The following CACNG2 variants were observed in gnomAD, a reference collection of about 807,000 sequenced individuals.
The protein encoded by CACNG2 is calcium voltage-gated channel auxiliary subunit gamma 2.
Under a neutral mutation model 25.9 loss-of-function variants are expected in CACNG2, and 3 were observed. The observed-to-expected ratio is 0.12, with a 90% CI of 0.05 to 0.30. CACNG2 has a LOEUF of 0.30. Among genes scored for constraint, CACNG2 ranks in the 10% least tolerant of loss-of-function variants. The pLI is 1.00. For missense variants in CACNG2, 341 were observed against 432.5 expected (o/e 0.79, Z 1.88); for synonymous variants, 167 against 173.3 (o/e 0.96, Z 0.29).
intron 2 of CACNG2, among the ~76,000 whole-genome samples, chr22:36,570,833 T>C (rs969933624): frequency 2.6e-5 from 4 of 151,128 alleles, no homozygotes; most frequent in Non-Finnish European, 5.9e-5. Context: ...CCACTAGACT[T>C]GGCAGGGCCC....
intron 1 of CACNG2, among the ~76,000 whole-genome samples, chr22:36,686,757 G>A (rs1439854744): frequency 6.6e-6 from 1 of 152,300 alleles, no homozygotes; most frequent in Admixed American, 6.5e-5. Context: ...TGCTGACTCC[G>A]TGGCATGACC....
chr22:36,610,269 T>TCAGAGCG (rs1935918400), intron 1 of CACNG2, among the ~76,000 whole-genome samples: 1 of 124,310 alleles, frequency 8.0e-6, no homozygotes, highest in Admixed American at 7.9e-5. Context: ...AATCAGCCCC[T>TCAGAGCG]TAGAGCGTGA....
chr22:36,683,307 CT>C (rs1358292300), intron 1 of CACNG2, among the ~76,000 whole-genome samples: 2 of 152,180 alleles, frequency 1.3e-5, no homozygotes, highest in Non-Finnish European at 2.9e-5. Flanking sequence ...AATAAACACC[CT>C]CGGGTCAAAG....
chr22:36,686,621 G>A (rs1199878712), intron 1 of CACNG2, among the ~76,000 whole-genome samples: 1 of 152,176 alleles, frequency 6.6e-6, no homozygotes, highest in Non-Finnish European at 1.5e-5. Flanking sequence ...ATGGCACAGT[G>A]CCTTCCGTCC....
intron 1 of CACNG2, among the ~76,000 whole-genome samples, chr22:36,647,596 C>CAAAAA (rs34930900): frequency 3.3e-5 from 5 of 149,432 alleles, no homozygotes; most frequent in African/African-American, 1.2e-4. Flanking sequence ...AACTCCATAT[C>CAAAAA]AAAAAAAAAA....
chr22:36,602,827 C>T (rs1935774948), intron 1 of CACNG2, among the ~76,000 whole-genome samples: 2 of 152,198 alleles, frequency 1.3e-5, no homozygotes, highest in Admixed American at 1.3e-4. Context: ...TATGTTCTGA[C>T]TGTTCCACCA....
intron 1 of CACNG2, among the ~76,000 whole-genome samples, chr22:36,637,025 A>G (rs1936366403): frequency 6.6e-6 from 1 of 152,238 alleles, no homozygotes; most frequent in Non-Finnish European, 1.5e-5. Context: ...ATTAACGTCC[A>G]GGGCGTTAAC....
At chr22:36,589,031 C>T (rs1569022058) in intron 1 of CACNG2, among the ~76,000 whole-genome samples, 1 of 149,234 alleles carries the variant, frequency 6.7e-6, no homozygotes, top group South Asian at 2.1e-4. Context: ...CACTCTGTCA[C>T]CCAGGCTTGA....
chr22:36,680,396 C>T (rs1444477936), intron 1 of CACNG2, among the ~76,000 whole-genome samples: 7 of 149,382 alleles, frequency 4.7e-5, no homozygotes, highest in Non-Finnish European at 1.0e-4. Flanking sequence ...ATCACTGCCA[C>T]CATCACTACC....
In CACNG2 at chr22:36,564,354, T is replaced by C. The variant is rs774312249; in HGVS notation, c.969A>G (p.Val323=). Reference sequence around the variant, plus strand: ...CTTCTGGCGAGGCCCGCGGTCTTTATACGGGGGTGGTCCGGCGGTTGGCTG... The same window carrying C: ...CTTCTGGCGAGGCCCGCGGTCTTTACACGGGGGTGGTCCGGCGGTTGGCTG... The part of the protein sequence containing the change: ...SNTANRRTTP[V] The change falls in exon 4 of 4, where the codon GTA becomes GTG. Residue 323 remains valine, a synonymous_variant. Transcript: ENST00000300105. This position sits in a 1 kb window ranked among gnomAD's most constrained non-coding sequence, Gnocchi z 6.7. The C allele has an allele frequency of 6.8e-6, 11 of 1,613,270 alleles. No homozygotes were observed. The highest frequency in any genetic ancestry group is 8.5e-6 in the Non-Finnish European group (10 of 1,179,664).
intron 1 of CACNG2, among the ~76,000 whole-genome samples, chr22:36,680,646 TTATCACCAC>T (rs1353964135): frequency 1.2e-3 from 4 of 3,458 alleles, no homozygotes; most frequent in Non-Finnish European, 1.7e-3. Context: ...ACCACCATCA[TTATCACCAC>T]CATCACCACC....
intron 1 of CACNG2, among the ~76,000 whole-genome samples, chr22:36,692,454 G>C (rs760103631): frequency 2.0e-5 from 3 of 152,194 alleles, no homozygotes; most frequent in Admixed American, 1.3e-4. Context: ...TTCCCAGCAG[G>C]CAGTGACTTA....
At chr22:36,591,318 C>A (rs867389093) in intron 1 of CACNG2, among the ~76,000 whole-genome samples, 5 of 152,038 alleles carry the variant, frequency 3.3e-5, no homozygotes, top group African/African-American at 1.2e-4. Context: ...CGTGAGCCAC[C>A]GCGCCCGGCC....
intron 1 of CACNG2, among the ~76,000 whole-genome samples, chr22:36,666,134 G>C (rs915862512): frequency 6.6e-6 from 1 of 152,226 alleles, no homozygotes; most frequent in African/African-American, 2.4e-5. Context: ...GTCAGGTGCA[G>C]TGGCTCAAAC....
rs1603500058 is a variant in CACNG2, at chr22:36,562,810, G to A, written c.*1541C>T. On this transcript the variant is annotated 3_prime_UTR_variant, in exon 4 of 4. Coordinates refer to ENST00000300105, the MANE Select transcript of CACNG2 (RefSeq NM_006078.5). ...CATTCGCAGCACCTTCCTTGTCTGA[G>A]GAAGCCACCTTTCCATCACAGAGAC... is the stretch of plus-strand genomic sequence containing the variant. 1 of 152,206 alleles carries A rather than the reference G, an allele frequency of 6.6e-6. No individual in the cohort carries two copies. Among genetic ancestry groups the A allele is most frequent in the East Asian group, 1.9e-4 (1 of 5,198 alleles). The allele number at this position is 152,206 out of a possible 1,614,324, so 9.4% of individuals were successfully genotyped here.
Position 36,564,408 on chromosome 22 carries a change from C to G in CACNG2, c.915G>C (p.Lys305Asn). The stretch of plus-strand genomic sequence containing the variant: ...TGGAGTGGAGAGAGTCCTTGTTCTC[C>G]TTCTGGATACAGTTGTGAACCTGGA... ...SFLQVHNCIQ[K>N]ENKDSLHSNT... Residue 305 changes from lysine to asparagine, a missense_variant, in exon 4 of 4, where the codon AAG (lysine) becomes AAC (asparagine). By Grantham distance (94) the Lys-to-Asn change is moderately conservative. Transcript: ENST00000300105. The surrounding 1 kb of genome is among the most constrained non-coding windows in gnomAD (Gnocchi z 6.7). 1 of 1,614,004 alleles carries G rather than the reference C, an allele frequency of 6.2e-7. No homozygotes were observed. The highest frequency in any genetic ancestry group is 1.1e-5 in the South Asian group (1 of 91,068).
intron 1 of CACNG2, among the ~76,000 whole-genome samples, chr22:36,675,829 T>C (rs1260069495): frequency 6.6e-6 from 1 of 152,226 alleles, no homozygotes; most frequent in African/African-American, 2.4e-5. Context: ...ATTTTACTAC[T>C]CAAGTACTAC....
intron 1 of CACNG2, among the ~76,000 whole-genome samples, chr22:36,608,858 G>A (rs761735580): frequency 5.9e-5 from 9 of 152,274 alleles, no homozygotes; most frequent in Non-Finnish European, 1.2e-4. Context: ...TCTTTGAACA[G>A]TACATGCAGT....
intron 1 of CACNG2, among the ~76,000 whole-genome samples, chr22:36,628,114 T>C (rs1173853796): frequency 6.6e-6 from 1 of 152,236 alleles, no homozygotes; most frequent in Non-Finnish European, 1.5e-5. Flanking sequence ...TTATGAATTA[T>C]TTTAAGTCTT....
Sources: gnomAD v4.1 joint callset for allele counts (sites outside exome capture counted in the v4.1 genomes callset) on GRCh38, gnomAD v4.1.1 for gene constraint, Gnocchi (gnomAD v3.1) non-coding constraint, MANE v1.5 for transcripts, NCBI Gene and HGNC (gene_info 2026-07-23, HGNC 2026-07-21) for gene names.